The following CNTNAP2 variants were observed in gnomAD, a reference collection of about 807,000 sequenced individuals.
CNTNAP2 encodes the protein contactin associated protein 2.
Under a neutral mutation model 155.2 loss-of-function variants are expected in CNTNAP2, and 98 were observed. The observed-to-expected ratio is 0.63, with a 90% CI of 0.54 to 0.75. CNTNAP2 has a LOEUF of 0.75. CNTNAP2 is among the 30% of genes least tolerant of loss of function. CNTNAP2 has a pLI of 0.00. For missense variants in CNTNAP2, 1,727 were observed against 1,688.1 expected (o/e 1.02, Z -0.40); for synonymous variants, 651 against 631.2 (o/e 1.03, Z -0.47).
chr7:147,471,992 G>GA lies in CNTNAP2; in HGVS notation c.1671-13936dup, dbSNP rs1256331616. 3.9e-5 allele frequency among the ~76,000 whole-genome samples: 6 copies of GA among 152,134 alleles called. 1 individual carries two copies. The East Asian group carries it at 1.2e-3, about 29-fold the overall frequency. On this transcript the variant is annotated intron_variant, in intron 10 of 23. Coordinates refer to ENST00000361727, the MANE Select transcript of CNTNAP2 (RefSeq NM_014141.6). The stretch of plus-strand genomic sequence containing the variant: ...AAAGATTGAGGAAAAGAGTGTATTT[G>GA]AAAAAAAGAAGCATGTGTGCAAAGG...
intron 9 of CNTNAP2, among the ~76,000 whole-genome samples, chr7:147,340,761 C>T (rs1237950324): frequency 6.6e-6 from 1 of 152,032 alleles, no homozygotes; most frequent in Non-Finnish European, 1.5e-5. Flanking sequence ...TACCATTTCA[C>T]ACTATTTTTT....
chr7:147,555,154 T>G (rs1799928481), intron 11 of CNTNAP2, among the ~76,000 whole-genome samples: 1 of 152,160 alleles, frequency 6.6e-6, no homozygotes, highest in Admixed American at 6.5e-5. Flanking sequence ...CTAATGAGAA[T>G]TACCTCTTTC....
chr7:147,235,016 T>C (rs1392919587), intron 8 of CNTNAP2, among the ~76,000 whole-genome samples: 1 of 151,964 alleles, frequency 6.6e-6, no homozygotes, highest in African/African-American at 2.4e-5. Flanking sequence ...ATATTCTGGG[T>C]GCTTTTGTGA....
At chr7:146,853,480 A>T (rs1794919770) in intron 3 of CNTNAP2, among the ~76,000 whole-genome samples, 1 of 152,182 alleles carries the variant, frequency 6.6e-6, no homozygotes, top group Admixed American at 6.5e-5. Context: ...AATGGAATTT[A>T]ACCTATTTCT....
At chr7:147,325,038 T>A (rs62482177) in intron 9 of CNTNAP2, among the ~76,000 whole-genome samples, 5,264 of 152,280 alleles carry the variant, frequency 0.035, 124 homozygotes, top group South Asian at 0.052. Flanking sequence ...GCACAGTGGC[T>A]CATGCCTGTA....
At chr7:148,286,586 C>A (rs1312272695) in intron 21 of CNTNAP2, among the ~76,000 whole-genome samples, 1 of 130,728 alleles carries the variant, frequency 7.6e-6, no homozygotes, top group East Asian at 2.3e-4. Flanking sequence ...GAAGTCAAAC[C>A]CTAAAACACG....
Position 146,875,272 on chromosome 7 carries a change from A to G in CNTNAP2, c.402+35368A>G, listed in dbSNP as rs569815511. 7.2e-5 allele frequency among the ~76,000 whole-genome samples: 11 copies of G among 152,274 alleles called. No individual in the cohort carries two copies. The South Asian group carries it at 1.9e-3, about 26-fold the overall frequency. ...ATAACTGAAGGGATTCAGATAAATA[A>G]TTCTCCTATATGGAGGGCCTCTGGA... is the stretch of plus-strand genomic sequence containing the variant. On this transcript the variant is annotated intron_variant, in intron 3 of 23. Coordinates refer to ENST00000361727, the MANE Select transcript of CNTNAP2 (RefSeq NM_014141.6).
chr7:147,358,366 A>T (rs868747922), intron 9 of CNTNAP2, among the ~76,000 whole-genome samples: 1 of 152,168 alleles, frequency 6.6e-6, no homozygotes, highest in East Asian at 1.9e-4. Context: ...TATGGTAATT[A>T]TATTACCCAT....
At chr7:147,526,191 CA>C (rs200655145) in intron 11 of CNTNAP2, among the ~76,000 whole-genome samples, 1,397 of 63,760 alleles carry the variant, frequency 0.022, 11 homozygotes, top group East Asian at 0.096. Context: ...GACTCCATCT[CA>C]AAAAAAAAAA....
chr7:146,465,518 G>A (rs207468738), intron 1 of CNTNAP2, among the ~76,000 whole-genome samples: 2 of 152,132 alleles, frequency 1.3e-5, no homozygotes, highest in Non-Finnish European at 2.9e-5. Context: ...GGTCTCATTT[G>A]TAGAAAAGTA....
chr7:148,152,977 C>A (rs1005853830), intron 17 of CNTNAP2, among the ~76,000 whole-genome samples: 3 of 145,012 alleles, frequency 2.1e-5, no homozygotes, highest in Admixed American at 1.4e-4. Flanking sequence ...GCCGAGATCG[C>A]GCCACTGCAC....
At chr7:147,413,468 A>G (rs1051138431) in intron 10 of CNTNAP2, among the ~76,000 whole-genome samples, 1 of 152,326 alleles carries the variant, frequency 6.6e-6, no homozygotes, top group Admixed American at 6.5e-5. Context: ...CATGGTAAAC[A>G]TCTGTGCCAA....
rs1038185183 is a variant in CNTNAP2 at position 146,477,678 on chromosome 7, T to C, written c.98-296593T>C. Among the ~76,000 whole-genome samples, 3 of 145,652 alleles carry C rather than the reference T, an allele frequency of 2.1e-5. No individual in the cohort carries two copies. In the East Asian group the frequency reaches 6.4e-4, roughly 31 times the overall value. Reference sequence around the variant, plus strand: ...ACACACACACACACACACACACATCTTCTGGATTGTATACTAAAAATTTAT... The same window carrying C: ...ACACACACACACACACACACACATCCTCTGGATTGTATACTAAAAATTTAT... On this transcript the variant is annotated intron_variant, in intron 1 of 23. Coordinates refer to ENST00000361727, the MANE Select transcript of CNTNAP2 (RefSeq NM_014141.6).
intron 1 of CNTNAP2, among the ~76,000 whole-genome samples, chr7:146,566,481 G>A (rs1798358096): frequency 1.3e-5 from 2 of 151,982 alleles, no homozygotes; most frequent in East Asian, 1.9e-4. Context: ...AGGCTGAGGC[G>A]GGCGGATCAC....
At chr7:147,045,873 C>T (rs1037263217) in intron 4 of CNTNAP2, among the ~76,000 whole-genome samples, 7 of 151,486 alleles carry the variant, frequency 4.6e-5, no homozygotes, top group South Asian at 2.1e-4. Context: ...CACACATATA[C>T]GTGCATATAT....
chr7:146,817,336 G>A (rs543339581), intron 2 of CNTNAP2, among the ~76,000 whole-genome samples: 16 of 152,100 alleles, frequency 1.1e-4, no homozygotes, highest in East Asian at 3.9e-4. Context: ...AGCCAGGTTG[G>A]TGGCACATGC....
chr7:146,877,654 T>C (rs1795457424), intron 3 of CNTNAP2, among the ~76,000 whole-genome samples: 2 of 152,028 alleles, frequency 1.3e-5, no homozygotes, highest in African/African-American at 2.4e-5. Context: ...TATGTGTATA[T>C]GTACATATAC....
intron 1 of CNTNAP2, among the ~76,000 whole-genome samples, chr7:146,424,765 G>C (rs1796063870): frequency 6.6e-6 from 1 of 152,042 alleles, no homozygotes; most frequent in Non-Finnish European, 1.5e-5. Flanking sequence ...ATTTGTTTTT[G>C]CATAGATTTC....
At chr7:147,437,384 CTTTAT>C (rs1223969271) in intron 10 of CNTNAP2, among the ~76,000 whole-genome samples, 1 of 152,034 alleles carries the variant, frequency 6.6e-6, no homozygotes, top group Non-Finnish European at 1.5e-5. Flanking sequence ...ATGACTTTTG[CTTTAT>C]TTTATTTTAG....
Sources: allele counts gnomAD v4.1 joint callset (sites outside exome capture counted in the v4.1 genomes callset), GRCh38; gene constraint gnomAD v4.1.1; transcripts MANE v1.5; gene names NCBI Gene and HGNC (gene_info 2026-07-23, HGNC 2026-07-21).